Variants in LDLRAD3 observed in about 807,000 individuals in gnomAD.
LDLRAD3 encodes low-density lipoprotein receptor class A domain-containing protein 3.
In LDLRAD3, 20 loss-of-function variants were observed where a neutral mutation model predicts 29.4. The observed-to-expected ratio is 0.68, with a 90% CI of 0.48 to 0.99. The LOEUF is 0.99. Among genes scored for constraint, LDLRAD3 ranks in the 50% least tolerant of loss-of-function variants. The pLI, the probability that LDLRAD3 is intolerant of heterozygous loss-of-function variation, is 0.00. For synonymous variants in LDLRAD3, 157 were observed against 192.7 expected, an observed-to-expected ratio of 0.81 and a Z score of 1.53; for missense variants, 420 against 454.3, an observed-to-expected ratio of 0.92 and a Z score of 0.69.
chr11:36,092,470 C>G (rs2173555), intron 3 of LDLRAD3, among the ~76,000 whole-genome samples: 142,186 of 152,212 alleles, frequency 0.93, 66,906 homozygotes, highest in Non-Finnish European at 0.99. Flanking sequence ...TTATCTCACT[C>G]TATGTTTGTA....
chr11:36,085,731 C>T (rs545380909), intron 3 of LDLRAD3, among the ~76,000 whole-genome samples: 7 of 152,182 alleles, frequency 4.6e-5, no homozygotes, highest in East Asian at 1.9e-4. Flanking sequence ...CCCTCCTCAG[C>T]CTCCTGAGTA....
At chr11:36,082,490 AGAGT>A (rs1237930294) in intron 3 of LDLRAD3, among the ~76,000 whole-genome samples, 1 of 152,254 alleles carries the variant, frequency 6.6e-6, no homozygotes, top group Non-Finnish European at 1.5e-5. Flanking sequence ...CCTGGGCAAC[AGAGT>A]GAGACCCTGT....
intron 2 of LDLRAD3, among the ~76,000 whole-genome samples, chr11:36,040,524 C>G (rs566871105): frequency 6.6e-6 from 1 of 152,100 alleles, no homozygotes; most frequent in South Asian, 2.1e-4. Flanking sequence ...CCCCATTTTT[C>G]TCTTTATCAT....
At chr11:36,215,361 GA>G (rs1565310225) in intron 4 of LDLRAD3, among the ~76,000 whole-genome samples, 1 of 152,234 alleles carries the variant, frequency 6.6e-6, no homozygotes, top group Non-Finnish European at 1.5e-5. Context: ...ATGAACAGAT[GA>G]ATGTTTTTAG....
chr11:36,134,866 GACCA>G (rs1853981386), intron 4 of LDLRAD3, among the ~76,000 whole-genome samples: 1 of 152,176 alleles, frequency 6.6e-6, no homozygotes, highest in African/African-American at 2.4e-5. Flanking sequence ...GCTCTCTGGG[GACCA>G]GGAGGTATCA....
At chr11:36,032,221 A>G (rs61879153) in intron 1 of LDLRAD3, among the ~76,000 whole-genome samples, 2 of 152,342 alleles carry the variant, frequency 1.3e-5, no homozygotes, top group Non-Finnish European at 2.9e-5. Context: ...TTGGGGGGAC[A>G]CAATTGAGCC....
intron 4 of LDLRAD3, among the ~76,000 whole-genome samples, chr11:36,200,795 C>T (rs1855116504): frequency 6.6e-6 from 1 of 152,132 alleles, no homozygotes; most frequent in Non-Finnish European, 1.5e-5. Flanking sequence ...TATCAATCAG[C>T]CAGTCAAGAA....
In LDLRAD3 at chr11:35,988,578, C is replaced by G. The variant is rs1244307123; in HGVS notation, c.46+44434C>G. Among the ~76,000 whole-genome samples the G allele has an allele frequency of 5.3e-5, 8 of 151,680 alleles. No homozygotes were observed. The South Asian group carries it at 1.3e-3, about 24-fold the overall frequency. ...AGCTCCTTAGTTAAATTAGGTCCCA[C>G]TTGTCAATTTTTTTTTTGTTTTTGA... On this transcript the variant is annotated intron_variant, in intron 1 of 5. Coordinates refer to ENST00000315571, the MANE Select transcript of LDLRAD3 (RefSeq NM_174902.4).
chr11:36,190,919 G>A (rs577681748), intron 4 of LDLRAD3, among the ~76,000 whole-genome samples: 1 of 152,326 alleles, frequency 6.6e-6, no homozygotes, highest in South Asian at 2.1e-4. Flanking sequence ...CATTGGACAT[G>A]AGAAGACAGT....
Position 36,198,828 on chromosome 11 carries a change from G to C in LDLRAD3, c.455-28257G>C, listed in dbSNP as rs530337563. On this transcript the variant is annotated intron_variant, in intron 4 of 5. Transcript: ENST00000315571. ...TTGTGATCAACATCAACATTTATGG[G>C]CTTATCTGGAATGAAAGCCTCTGTT... Among the ~76,000 whole-genome samples, 22 of 152,300 alleles carry C rather than the reference G, an allele frequency of 1.4e-4. No homozygotes were observed. In the South Asian group the frequency reaches 3.3e-3, roughly 23 times the overall value.
At chr11:36,101,593 G>A (rs1400972220) in intron 4 of LDLRAD3, among the ~76,000 whole-genome samples, 1 of 152,198 alleles carries the variant, frequency 6.6e-6, no homozygotes, top group Non-Finnish European at 1.5e-5. Flanking sequence ...GACAGATCTG[G>A]AGTTCCCTTA....
chr11:36,166,718 C>T (rs1854521365), intron 4 of LDLRAD3, among the ~76,000 whole-genome samples: 1 of 152,120 alleles, frequency 6.6e-6, no homozygotes, highest in Non-Finnish European at 1.5e-5. Context: ...TGGTTGGAAA[C>T]ATGATCTTCT....
intron 3 of LDLRAD3, among the ~76,000 whole-genome samples, chr11:36,085,360 T>TC (rs1647787933): frequency 6.6e-6 from 1 of 151,840 alleles, no homozygotes; most frequent in African/African-American, 2.4e-5. Context: ...TTTTTTTTTT[T>TC]TGTCTTTAGT....
intron 4 of LDLRAD3, among the ~76,000 whole-genome samples, chr11:36,159,446 G>A (rs1453350367): frequency 6.6e-6 from 1 of 150,778 alleles, no homozygotes; most frequent in African/African-American, 2.4e-5. Flanking sequence ...TCCAGCCTGA[G>A]CAACAGAGTC....
chr11:36,080,210 A>G (rs1411144471), intron 2 of LDLRAD3, among the ~76,000 whole-genome samples: 2 of 152,216 alleles, frequency 1.3e-5, no homozygotes, highest in South Asian at 2.1e-4. Context: ...GGGATGCTAC[A>G]TAGGGCCTGC....
At chr11:36,002,695 A>G (rs1359162555) in intron 1 of LDLRAD3, among the ~76,000 whole-genome samples, 1 of 152,222 alleles carries the variant, frequency 6.6e-6, no homozygotes, top group East Asian at 1.9e-4. Context: ...GGTCAGAGGA[A>G]GTCAGAAATG....
intron 1 of LDLRAD3, among the ~76,000 whole-genome samples, chr11:35,961,105 C>T (rs1224874087): frequency 6.6e-6 from 1 of 152,212 alleles, no homozygotes; most frequent in Non-Finnish European, 1.5e-5. Context: ...GTGATAAGGT[C>T]TCATTCTGCT....
chr11:36,209,984 A>G (rs189506884), intron 4 of LDLRAD3, among the ~76,000 whole-genome samples: 127 of 152,356 alleles, frequency 8.3e-4, no homozygotes, highest in Non-Finnish European at 1.6e-3. Context: ...GGAGAGAGAT[A>G]CATGAAACAG....
intron 3 of LDLRAD3, among the ~76,000 whole-genome samples, chr11:36,082,686 C>T (rs1254109914): frequency 6.6e-6 from 1 of 152,150 alleles, no homozygotes; most frequent in Non-Finnish European, 1.5e-5. Flanking sequence ...TACTCATGTT[C>T]ACTCCCTCTT....
Sources: gnomAD v4.1 joint callset for allele counts (sites outside exome capture counted in the v4.1 genomes callset) on GRCh38, gnomAD v4.1.1 for gene constraint, MANE v1.5 for transcripts, NCBI Gene and HGNC (gene_info 2026-07-23, HGNC 2026-07-21) for gene names.